The following LMBR1 variants were observed in gnomAD, a reference collection of about 807,000 sequenced individuals.
LMBR1 encodes limb region 1 protein homolog.
In LMBR1, 52 loss-of-function variants were observed where a neutral mutation model predicts 73.9. That is an observed-to-expected ratio of 0.70 (90% CI 0.56 to 0.89). The LOEUF is 0.89. LMBR1 is among the 40% of genes least tolerant of loss of function. The pLI, the probability that LMBR1 is intolerant of heterozygous loss-of-function variation, is 0.00. For missense variants in LMBR1, 539 were observed against 579.8 expected (o/e 0.93, Z 0.72); for synonymous variants, 215 against 209.4 (o/e 1.03, Z -0.23).
At chr7:156,701,600 A>G (rs1046443108) in intron 15 of LMBR1, among the ~76,000 whole-genome samples, 5 of 152,216 alleles carry the variant, frequency 3.3e-5, no homozygotes, top group Non-Finnish European at 4.4e-5. Context: ...CTCTCATTCT[A>G]TGCTGTCAGG....
At chr7:156,833,234 T>C (rs530172426) in intron 3 of LMBR1, among the ~76,000 whole-genome samples, 2 of 152,300 alleles carry the variant, frequency 1.3e-5, no homozygotes, top group African/African-American at 4.8e-5. Flanking sequence ...TCTGTGCAAT[T>C]TCACATTTAA....
chr7:156,733,099 C>T (rs1167047071), intron 10 of LMBR1, among the ~76,000 whole-genome samples: 2 of 152,070 alleles, frequency 1.3e-5, no homozygotes, highest in African/African-American at 2.4e-5. Flanking sequence ...GAGTTGAGAT[C>T]GCACCATTGC....
At chr7:156,854,129 G>C (rs1181597650) in intron 1 of LMBR1, among the ~76,000 whole-genome samples, 1 of 152,050 alleles carries the variant, frequency 6.6e-6, no homozygotes, top group Non-Finnish European at 1.5e-5. Context: ...CTCGTAACAA[G>C]AAAAAAACTG....
At chr7:156,784,636 C>T (rs1467994146) in intron 5 of LMBR1, among the ~76,000 whole-genome samples, 1 of 152,176 alleles carries the variant, frequency 6.6e-6, no homozygotes, top group Admixed American at 6.5e-5. Context: ...AATCAAAAAT[C>T]CTAAAATCAA....
intron 1 of LMBR1, among the ~76,000 whole-genome samples, chr7:156,843,777 C>G (rs1027445799): frequency 6.8e-6 from 1 of 146,860 alleles, no homozygotes; most frequent in African/African-American, 2.5e-5. Flanking sequence ...TGGAGGTTGT[C>G]ATGAGCCAAG....
intron 15 of LMBR1, among the ~76,000 whole-genome samples, chr7:156,710,465 GGACAAA>G (rs1432334009): frequency 1.3e-5 from 2 of 151,996 alleles, no homozygotes; most frequent in African/African-American, 2.4e-5. Context: ...TAACCCAACT[GGACAAA>G]GACAAAGAAA....
intron 1 of LMBR1, among the ~76,000 whole-genome samples, chr7:156,891,210 AAATATATATATAT>A (rs1233552447): frequency 3.8e-5 from 3 of 77,948 alleles, no homozygotes; most frequent in Non-Finnish European, 7.2e-5. Context: ...AAAAAAAAAA[AAATATATATATAT>A]ATATATATAT....
At chr7:156,701,747 A>G (rs1334225168) in intron 15 of LMBR1, among the ~76,000 whole-genome samples, 3 of 152,206 alleles carry the variant, frequency 2.0e-5, no homozygotes, top group African/African-American at 7.2e-5. Context: ...CCTAGGTGTT[A>G]GACCCCACAT....
At chr7:156,740,188 G>GA (rs1818635243) in intron 9 of LMBR1, among the ~76,000 whole-genome samples, 2 of 151,976 alleles carry the variant, frequency 1.3e-5, no homozygotes, top group African/African-American at 4.8e-5. Flanking sequence ...CAGGCTGTTT[G>GA]AAAATACATA....
At chr7:156,722,013 C>CACCCA (rs11282896) in intron 15 of LMBR1, among the ~76,000 whole-genome samples, 3 of 148,306 alleles carry the variant, frequency 2.0e-5, no homozygotes, top group African/African-American at 7.4e-5. Context: ...GCAAAAACAT[C>CACCCA]ATCATTTCTT....
chr7:156,876,478 A>C (rs191035020), intron 1 of LMBR1, among the ~76,000 whole-genome samples: 1 of 152,216 alleles, frequency 6.6e-6, no homozygotes, highest in Admixed American at 6.5e-5. Flanking sequence ...GACTTAACAG[A>C]TATTTACAGA....
At chr7:156,710,453 A>G (rs1811846043) in intron 15 of LMBR1, among the ~76,000 whole-genome samples, 2 of 152,228 alleles carry the variant, frequency 1.3e-5, no homozygotes, top group Non-Finnish European at 2.9e-5. Context: ...AGGCTTTCAA[A>G]TTAACCCAAC....
chr7:156,870,756 CAA>C (rs375108106), intron 1 of LMBR1, among the ~76,000 whole-genome samples: 11 of 83,252 alleles, frequency 1.3e-4, no homozygotes, highest in Admixed American at 3.9e-4. Context: ...GACTCTGTCA[CAA>C]AAAAAAAAAA....
Position 156,756,483 on chromosome 7 carries a change from A to C in LMBR1, c.685-18T>G, listed in dbSNP as rs1414306352. 8.6e-7 allele frequency: 1 copy of C among 1,163,680 alleles called. No individual in the cohort carries two copies. Among genetic ancestry groups the C allele is most frequent in the Admixed American group, 2.0e-5 (1 of 50,606 alleles). The allele number at this position is 1,163,680 out of a possible 1,614,324, so 72.1% of individuals were successfully genotyped here. A position where few individuals can be genotyped will look rare whatever the true frequency, so the allele number is the denominator to read the frequency against. On this transcript the variant is annotated intron_variant, in intron 8 of 16. Transcript: ENST00000353442. ...TCAAGAATCTAAATTTAAAGATAAA[A>C]CTATTCAATAATTCAACGTTATAAA...
intron 15 of LMBR1, among the ~76,000 whole-genome samples, chr7:156,692,333 T>C (rs1363732891): frequency 6.6e-6 from 1 of 152,186 alleles, no homozygotes; most frequent in East Asian, 1.9e-4. Context: ...CTCCTGGACC[T>C]CCCAAAGTGC....
chr7:156,778,028 A>C (rs1826464379), intron 5 of LMBR1, among the ~76,000 whole-genome samples: 1 of 152,186 alleles, frequency 6.6e-6, no homozygotes, highest in Non-Finnish European at 1.5e-5. Context: ...TACCCATCCA[A>C]GACGATGATT....
At chr7:156,763,825 G>A (rs559741843) in intron 5 of LMBR1, 30 bp from the exon 6 acceptor site, 1 of 1,553,232 alleles carries the variant, frequency 6.4e-7, no homozygotes, top group Non-Finnish European at 8.7e-7. Flanking sequence ...TATAATTTTA[G>A]TATTTTACTT....
At chr7:156,882,940 A>C (rs1055828478) in intron 1 of LMBR1, among the ~76,000 whole-genome samples, 1 of 152,124 alleles carries the variant, frequency 6.6e-6, no homozygotes, top group African/African-American at 2.4e-5. Flanking sequence ...CTGAAGCAGG[A>C]GAATCACTTG....
At chr7:156,768,579 T>C (rs920590777) in intron 5 of LMBR1, among the ~76,000 whole-genome samples, 9 of 152,094 alleles carry the variant, frequency 5.9e-5, no homozygotes, top group African/African-American at 2.2e-4. Flanking sequence ...TTAGGAGGGC[T>C]CAGGGGATTG....
Sources: allele counts gnomAD v4.1 joint callset (sites outside exome capture counted in the v4.1 genomes callset), GRCh38; gene constraint gnomAD v4.1.1; transcripts MANE v1.5; gene names NCBI Gene and HGNC (gene_info 2026-07-23, HGNC 2026-07-21).